Variants in ANO3 observed in about 807,000 individuals in gnomAD.
ANO3 encodes the protein anoctamin-3.
In ANO3, 99 loss-of-function variants were observed where a neutral mutation model predicts 144.8. The observed-to-expected ratio is 0.68, with a 90% CI of 0.58 to 0.81. The LOEUF is 0.81. Ranked by LOEUF, ANO3 falls within the 30% of genes least tolerant of loss-of-function variation. The pLI is 0.00. For synonymous variants in ANO3, 414 were observed against 392.6 expected (o/e 1.05, Z -0.64); for missense variants, 905 against 1,202.2 (o/e 0.75, Z 3.66).
At chr11:26,378,237 T>A (rs1856467553) in intron 1 of ANO3, among the ~76,000 whole-genome samples, 1 of 151,100 alleles carries the variant, frequency 6.6e-6, no homozygotes, top group Non-Finnish European at 1.5e-5. Flanking sequence ...TTATAATTGA[T>A]GTTTTAGGGC....
At chr11:26,650,374 T>G (rs1565166665) in intron 24 of ANO3, among the ~76,000 whole-genome samples, 1 of 152,206 alleles carries the variant, frequency 6.6e-6, no homozygotes, top group Admixed American at 6.5e-5. Context: ...ATCAGATAGA[T>G]GCGTGTTTGA....
At chr11:26,355,841 T>C (rs1372798112) in intron 1 of ANO3, among the ~76,000 whole-genome samples, 1 of 152,178 alleles carries the variant, frequency 6.6e-6, no homozygotes, top group Admixed American at 6.5e-5. Flanking sequence ...ATTACAGGCG[T>C]GAGCCACCGT....
intron 1 of ANO3, among the ~76,000 whole-genome samples, chr11:26,391,286 C>T (rs531237802): frequency 1.3e-5 from 2 of 152,154 alleles, no homozygotes; most frequent in Admixed American, 1.3e-4. Flanking sequence ...CAGACCCACT[C>T]TCATGATGAT....
chr11:26,355,566 C>CTTTT (rs1400516827), intron 1 of ANO3, among the ~76,000 whole-genome samples: 5 of 145,044 alleles, frequency 3.4e-5, no homozygotes, highest in East Asian at 2.0e-4. Context: ...TTCTTTCTTT[C>CTTTT]TTTTTTTTTT....
intron 1 of ANO3, among the ~76,000 whole-genome samples, chr11:26,377,471 C>A (rs997368768): frequency 2.6e-5 from 4 of 151,738 alleles, no homozygotes; most frequent in Non-Finnish European, 4.4e-5. Flanking sequence ...GATGAAGAGA[C>A]CAATGAGCTG....
intron 1 of ANO3, among the ~76,000 whole-genome samples, chr11:26,249,017 C>A (rs1228389679): frequency 6.6e-6 from 1 of 152,116 alleles, no homozygotes; most frequent in African/African-American, 2.4e-5. Context: ...TCCACAAAAC[C>A]GGTCCCTGGT....
chr11:26,611,559 A>T lies in ANO3; in HGVS notation c.1836+11845A>T, dbSNP rs151181970. 8.7e-3 allele frequency among the ~76,000 whole-genome samples: 1,322 copies of T among 152,294 alleles called. 11 individuals are homozygous for T. Among genetic ancestry groups the T allele is most frequent in the Non-Finnish European group, 0.014 (971 of 68,008 alleles). ...CTATCCTGGAGAATGTTCTATATGC[A>T]GTTGAGAAGAATGTTTACTCTGCAG... On this transcript the variant is annotated intron_variant, in intron 17 of 26. Coordinates refer to ENST00000256737, the MANE Select transcript of ANO3 (RefSeq NM_031418.4).
chr11:26,338,146 A>G (rs900897304), intron 1 of ANO3, among the ~76,000 whole-genome samples: 3 of 151,700 alleles, frequency 2.0e-5, no homozygotes, highest in Admixed American at 2.0e-4. Flanking sequence ...AAACAACAGT[A>G]GAAGCTAATA....
At chr11:26,273,847 A>C (rs1467361903) in intron 1 of ANO3, among the ~76,000 whole-genome samples, 2 of 152,190 alleles carry the variant, frequency 1.3e-5, no homozygotes, top group Non-Finnish European at 2.9e-5. Context: ...GTCAGAAAAC[A>C]AATTGACATC....
At chr11:26,236,486 T>C (rs1393558811) in intron 1 of ANO3, among the ~76,000 whole-genome samples, 1 of 152,174 alleles carries the variant, frequency 6.6e-6, no homozygotes, top group African/African-American at 2.4e-5. Context: ...GTATTCCTCA[T>C]ATCCTGTGAG....
At chr11:26,417,225 C>A (rs908142774) in intron 1 of ANO3, among the ~76,000 whole-genome samples, 5 of 152,016 alleles carry the variant, frequency 3.3e-5, no homozygotes, top group Admixed American at 3.3e-4. Context: ...ACATCTATAA[C>A]CTCTATAAGT....
chr11:26,630,622 C>G (rs1028268370), intron 18 of ANO3, among the ~76,000 whole-genome samples: 1 of 152,096 alleles, frequency 6.6e-6, no homozygotes, highest in Non-Finnish European at 1.5e-5. Flanking sequence ...GTAATTAAAC[C>G]AAAACTCTCT....
intron 1 of ANO3, among the ~76,000 whole-genome samples, chr11:26,286,423 T>C (rs1853808320): frequency 6.6e-6 from 1 of 152,226 alleles, no homozygotes; most frequent in African/African-American, 2.4e-5. Flanking sequence ...AGGCATCCAG[T>C]TAAGTCAGAA....
At chr11:26,641,847 A>T in intron 21 of ANO3, 49 bp from the exon 22 acceptor site, 1 of 1,573,710 alleles carries the variant, frequency 6.4e-7, no homozygotes, top group Non-Finnish European at 8.6e-7. Flanking sequence ...ATTGTTAACC[A>T]GATGCTTGAA....
intron 23 of ANO3, among the ~76,000 whole-genome samples, chr11:26,643,761 C>T (rs1853248749): frequency 6.6e-6 from 1 of 152,084 alleles, no homozygotes; most frequent in South Asian, 2.1e-4. Flanking sequence ...CATGATCCCT[C>T]ATGAATGGGA....
chr11:26,298,824 A>C (rs11029503), intron 1 of ANO3, among the ~76,000 whole-genome samples: 13,835 of 152,158 alleles, frequency 0.091, 1,375 homozygotes, highest in African/African-American at 0.25. Flanking sequence ...GAGATAGAAG[A>C]GTCAAGATTT....
intron 23 of ANO3, among the ~76,000 whole-genome samples, chr11:26,644,852 C>CACACACAA (rs1853291379): frequency 6.7e-6 from 1 of 149,848 alleles, no homozygotes. Context: ...CACACACATA[C>CACACACAA]CATATATACA....
At chr11:26,200,483 GT>G (rs1249648138) in intron 1 of ANO3, among the ~76,000 whole-genome samples, 1 of 152,036 alleles carries the variant, frequency 6.6e-6, no homozygotes, top group African/African-American at 2.4e-5. Context: ...ACAATTTGTT[GT>G]AATATATTTA....
intron 1 of ANO3, among the ~76,000 whole-genome samples, chr11:26,381,451 C>T (rs539026719): frequency 5.3e-5 from 8 of 152,280 alleles, no homozygotes; most frequent in South Asian, 2.1e-4. Flanking sequence ...TTTCCTACTA[C>T]GCCTACACTT....
Sources: gnomAD v4.1 joint callset for allele counts (sites outside exome capture counted in the v4.1 genomes callset) on GRCh38, gnomAD v4.1.1 for gene constraint, MANE v1.5 for transcripts, NCBI Gene and HGNC (gene_info 2026-07-23, HGNC 2026-07-21) for gene names.